The following PHKA2 variants were observed in gnomAD, a reference collection of about 807,000 sequenced individuals.
The protein encoded by PHKA2 is phosphorylase kinase regulatory subunit alpha 2, also known as phosphorylase b kinase regulatory subunit alpha, liver isoform.
In PHKA2, 31 loss-of-function variants were observed where a neutral mutation model predicts 102.0. The ratio of observed to expected loss-of-function variants is 0.30; its 90% CI spans 0.23 to 0.41. PHKA2 has a LOEUF of 0.41. PHKA2 is among the 10% of genes least tolerant of loss of function. The pLI, the probability that PHKA2 is intolerant of heterozygous loss-of-function variation, is 1.00. For missense variants in PHKA2, 858 were observed against 1,023.1 expected (o/e 0.84, Z 2.20); for synonymous variants, 455 against 416.2 (o/e 1.09, Z -1.13).
intron 7 of PHKA2, among the ~76,000 whole-genome samples, chrX:18,942,847 T>TAAA (rs78129657): frequency 2.3e-5 from 2 of 85,760 alleles, no homozygotes; most frequent in African/African-American, 8.9e-5. Flanking sequence ...GACCTCCTCT[T>TAAA]AAAAAAAAAA....
intron 18 of PHKA2, among the ~76,000 whole-genome samples, chrX:18,919,694 C>A (rs1368321404): frequency 3.8e-5 from 3 of 78,462 alleles, no homozygotes; most frequent in African/African-American, 1.6e-4. Context: ...GCCTGGGCAA[C>A]AGAGCAAGAC....
intron 18 of PHKA2, among the ~76,000 whole-genome samples, chrX:18,919,195 T>C (rs2048073341): frequency 8.9e-6 from 1 of 111,884 alleles, no homozygotes; most frequent in South Asian, 3.7e-4. Flanking sequence ...TTTTAATTTG[T>C]CATGAGTGAG....
At chrX:18,933,330 G>T (rs955934810) in intron 11 of PHKA2, among the ~76,000 whole-genome samples, 1 of 112,381 alleles carries the variant, frequency 8.9e-6, no homozygotes, top group Non-Finnish European at 1.9e-5. Flanking sequence ...TGCTGCCACT[G>T]CCCTCCATCT....
intron 31 of PHKA2, 43 bp from the exon 32 acceptor site, chrX:18,894,447 T>C: frequency 9.3e-7 from 1 of 1,074,993 alleles, no homozygotes; most frequent in South Asian, 1.9e-5. Flanking sequence ...AGAGGACAGA[T>C]GCAGCCCTAT....
intron 15 of PHKA2, among the ~76,000 whole-genome samples, chrX:18,925,274 A>G (rs16980925): frequency 0.071 from 7,941 of 112,342 alleles, 669 homozygotes; most frequent in African/African-American, 0.24. Context: ...AGTAAGTTCC[A>G]TGAGTACATT....
At chrX:18,901,807 A>G (rs1425958357) in intron 26 of PHKA2, among the ~76,000 whole-genome samples, 1 of 109,783 alleles carries the variant, frequency 9.1e-6, no homozygotes, top group Non-Finnish European at 1.9e-5. Context: ...AAGCACCATT[A>G]TAACACAGTG....
At chrX:18,905,664 C>G in intron 26 of PHKA2, 94 bp downstream of exon 26, 1 of 625,127 alleles carries the variant, frequency 1.6e-6, no homozygotes, top group Non-Finnish European at 2.8e-6. Flanking sequence ...CCTTCTCTTC[C>G]CACATTCGCT....
intron 19 of PHKA2, among the ~76,000 whole-genome samples, chrX:18,914,523 G>A (rs1404628785): frequency 1.8e-5 from 2 of 111,256 alleles, no homozygotes; most frequent in Non-Finnish European, 3.8e-5. Flanking sequence ...GCCTAGAAGG[G>A]GTGTCCAAAA....
rs72616071 is a variant in PHKA2, at chrX:18,893,718, G to A, written c.3538-63C>T. 2.7e-3 allele frequency: 2,837 copies of A among 1,067,492 alleles called. 54 individuals are homozygous for A. In the East Asian group the frequency reaches 0.06, roughly 22 times the overall value. 88.0% of individuals were successfully genotyped at this position (1,067,492 alleles called of 1,213,427 possible). On this transcript the variant is annotated intron_variant, in intron 32 of 32. Transcript: ENST00000379942. ...CCCCCACTCCCCGTCACGCTTCTGC[G>A]TGGTGGTGGCAGCGGGTCAACATGG... is the stretch of plus-strand genomic sequence containing the variant.
chrX:18,958,509 C>T (rs1416643798), intron 1 of PHKA2, among the ~76,000 whole-genome samples: 3 of 111,494 alleles, frequency 2.7e-5, no homozygotes, highest in Non-Finnish European at 3.8e-5. Flanking sequence ...TTCGCTATCT[C>T]TGCCATAAGT....
intron 16 of PHKA2, 97 bp downstream of exon 16, chrX:18,924,284 A>C: frequency 9.8e-7 from 1 of 1,021,033 alleles, no homozygotes; most frequent in Non-Finnish European, 1.4e-6. Context: ...AAGCCCCTTC[A>C]GTGCTTAGTT....
intron 19 of PHKA2, among the ~76,000 whole-genome samples, chrX:18,912,981 G>A (rs1569301851): frequency 1.8e-5 from 2 of 110,570 alleles, no homozygotes. Flanking sequence ...GGAGGGCTGA[G>A]GCAGAAGGAT....
At chrX:18,979,487 C>A (rs1028856383) in intron 1 of PHKA2, among the ~76,000 whole-genome samples, 2 of 111,693 alleles carry the variant, frequency 1.8e-5, no homozygotes, top group Non-Finnish European at 3.8e-5. Context: ...TATTAAGGAG[C>A]CTTCAAACAG....
rs973121529 is a variant in PHKA2, at chrX:18,910,941, C to T, written c.2157G>A (p.Pro719=). Residue 719 remains proline, a synonymous_variant, in exon 20 of 33, where the codon CCG becomes CCA. Coordinates refer to ENST00000379942, the MANE Select transcript of PHKA2 (RefSeq NM_000292.3). ...TACGGTGGGCACTTAGAACTTTAGT[C>T]GGCAAAGTCATGGGAACAACTGGAA... is the stretch of plus-strand genomic sequence containing the variant. The part of the protein sequence containing the change: ...LEVPFVPMTL[P]TKVLSAHRKS... The T allele has an allele frequency of 5.7e-5, 67 of 1,179,359 alleles. No individual in the cohort carries two copies. The highest frequency in any genetic ancestry group is 7.1e-5 in the Non-Finnish European group (62 of 871,351).
At chrX:18,982,299 A>G (rs1381534823) in intron 1 of PHKA2, among the ~76,000 whole-genome samples, 1 of 112,019 alleles carries the variant, frequency 8.9e-6, no homozygotes, top group East Asian at 2.8e-4. Flanking sequence ...GTAAGTTTGC[A>G]GCAAGCTCTT....
At chrX:18,909,609 T>C (rs1022821091) in intron 20 of PHKA2, among the ~76,000 whole-genome samples, 5 of 112,334 alleles carry the variant, frequency 4.5e-5, no homozygotes, top group African/African-American at 1.6e-4. Flanking sequence ...CCTGTGTATA[T>C]ATCTCCTAGT....
At chrX:18,910,712 G>C (rs2047907298) in intron 20 of PHKA2, among the ~76,000 whole-genome samples, 160 bp downstream of exon 20, 1 of 112,178 alleles carries the variant, frequency 8.9e-6, no homozygotes, top group African/African-American at 3.2e-5. Context: ...ACAACGAAGT[G>C]ATTGGGTTCA....
At position 18,895,161 on chromosome X, in the gene PHKA2, G is replaced by A. The variant is rs139033266; in HGVS notation, c.3313C>T (p.Leu1105Phe). The A allele has an allele frequency of 2.1e-5, 25 of 1,209,341 alleles. No homozygotes were observed. Among genetic ancestry groups the A allele is most frequent in the Middle Eastern group, 2.3e-4 (1 of 4,370 alleles). Residue 1105 changes from leucine (L) to phenylalanine (F), a missense_variant, in exon 31 of 33, where the codon CTC becomes TTC. Leu to Phe is a conservative substitution (Grantham distance 22). Around this residue, in one of 2 missense-constraint regions of PHKA2, gnomAD observed 671 missense variants for 745.2 expected, o/e 0.90. Coordinates refer to ENST00000379942, the MANE Select transcript of PHKA2 (RefSeq NM_000292.3). ...ACCTCTCGGGTCGTCGAGGATGGGA[G>A]GACATAACCATCGATGGAGAGACCG... ...CHGLSIDGYV[L>F]PSSTTREMTP...
At position 18,926,434 on chromosome X, in the gene PHKA2, G is replaced by C; in HGVS notation, c.1459+19C>G. The C allele has an allele frequency of 8.4e-7, 1 of 1,191,981 alleles. No homozygotes were observed. The highest frequency in any genetic ancestry group is 1.7e-5 in the African/African-American group (1 of 57,541). On this transcript the variant is annotated intron_variant, in intron 14 of 32. Coordinates refer to ENST00000379942, the MANE Select transcript of PHKA2 (RefSeq NM_000292.3). ...ATGCCCCCATGCCAAAAAGGCCCAG[G>C]TAATTTCCCCAAACCTACCAAGCTT... is the stretch of plus-strand genomic sequence containing the variant.
Sources: gnomAD v4.1 joint callset for allele counts (sites outside exome capture counted in the v4.1 genomes callset) on GRCh38, gnomAD v4.1.1 for gene constraint, gnomAD v4.1.1 regional missense constraint, MANE v1.5 for transcripts, NCBI Gene and HGNC (gene_info 2026-07-23, HGNC 2026-07-21) for gene names.